Variants in NXT2 observed in about 807,000 individuals in gnomAD.
The protein encoded by NXT2 is NTF2-related export protein 2.
In NXT2, 1 loss-of-function variant was observed where a neutral mutation model predicts 9.6. That is an observed-to-expected ratio of 0.10 (90% CI 0.04 to 0.49). The LOEUF is 0.49. Ranked by LOEUF, NXT2 falls within the 20% of genes least tolerant of loss-of-function variation. The pLI is 0.95. For synonymous variants in NXT2, 22 were observed against 35.4 expected, an observed-to-expected ratio of 0.62 and a Z score of 1.34; for missense variants, 48 against 100.3, an observed-to-expected ratio of 0.48 and a Z score of 2.23.
chrX:109,537,484 A>C (rs1375705306), intron 1 of NXT2: 31 of 524,724 alleles, frequency 5.9e-5, no homozygotes, highest in Non-Finnish European at 6.7e-5. Flanking sequence ...TTAGGCAAAC[A>C]GCAGTGAATA....
chrX:109,537,479 C>G, intron 1 of NXT2: 1 of 547,824 alleles, frequency 1.8e-6, no homozygotes, highest in African/African-American at 2.5e-5. Flanking sequence ...AGTTCTTAGG[C>G]AAACAGCAGT....
chrX:109,536,982 A>G lies in NXT2; in HGVS notation c.-25A>G, dbSNP rs777623807. On this transcript the variant is annotated 5_prime_UTR_variant, in exon 1 of 4. Transcript: ENST00000372106. Reference sequence around the variant, plus strand: ...AGGAGGTAGTGACGCCGACACTGCCAGAACACACTGCTACAAGGTCCCAGA... The same window carrying G: ...AGGAGGTAGTGACGCCGACACTGCCGGAACACACTGCTACAAGGTCCCAGA... 145 of 1,210,331 alleles carry G rather than the reference A, an allele frequency of 1.2e-4. No homozygotes were observed. Among genetic ancestry groups the G allele is most frequent in the Non-Finnish European group, 1.6e-4 (139 of 895,259 alleles).
upstream of NXT2, chrX:109,535,979 TA>T: frequency 8.5e-7 from 1 of 1,171,755 alleles, no homozygotes; most frequent in South Asian, 1.9e-5. Flanking sequence ...CCACTCAAGG[TA>T]AAACTACGAC....
Position 109,544,358 on chromosome X carries a change from G to A in NXT2, c.*1670G>A, listed in dbSNP as rs991372229. Reference sequence around the variant, plus strand: ...TTGTAGTACTGATTGAAACTTACACGTTTTATTCTACTCATAGTGAGCTTA... The same window carrying A: ...TTGTAGTACTGATTGAAACTTACACATTTTATTCTACTCATAGTGAGCTTA... On this transcript the variant is annotated 3_prime_UTR_variant, in exon 4 of 4. Transcript: ENST00000372106. 9.8e-5 allele frequency: 11 copies of A among 112,329 alleles called. No homozygotes were observed. The highest frequency in any genetic ancestry group is 3.6e-4 in the African/African-American group (11 of 30,894). The allele number at this position is 112,329 out of a possible 1,213,427, so 9.3% of individuals were successfully genotyped here. A position where few individuals can be genotyped will look rare whatever the true frequency, so the allele number is the denominator to read the frequency against.
At chrX:109,541,717 A>G (rs1303521851) in intron 3 of NXT2, 98 bp downstream of exon 3, 13 of 676,549 alleles carry the variant, frequency 1.9e-5, no homozygotes, top group Non-Finnish European at 2.6e-5. Context: ...TGGTAGAACT[A>G]TTTACTTACT....
At chrX:109,538,782 T>G (rs1168549528) in intron 2 of NXT2, among the ~76,000 whole-genome samples, 1 of 111,518 alleles carries the variant, frequency 9.0e-6, no homozygotes. Flanking sequence ...GAACTGTGCT[T>G]TGGAGAACTA....
At chrX:109,536,117 A>G (rs1359609599), upstream of NXT2, 1 of 454,265 alleles carries the variant, frequency 2.2e-6, no homozygotes, top group African/African-American at 2.5e-5. Context: ...AATCTCAACT[A>G]GTTTGTGACC....
Position 109,542,635 on chromosome X carries a change from G to A in NXT2, c.376G>A (p.Val126Met). 1 of 1,203,378 alleles carries A rather than the reference G, an allele frequency of 8.3e-7. No individual in the cohort carries two copies. The highest frequency in any genetic ancestry group is 1.1e-6 in the Non-Finnish European group (1 of 891,439). ...TGCTCAGTCCACTCCCAACAATACT[G>A]TGTGGAAGATTGCAAGTGATTGCTT... ...LTAQSTPNNT[V>M]WKIASDCFRF... The change falls in exon 4 of 4, where the codon GTG becomes ATG. Residue 126 changes from valine to methionine, a missense_variant. Coordinates refer to ENST00000372106, the MANE Select transcript of NXT2 (RefSeq NM_001242617.2).
chrX:109,536,495 C>CT (rs1156842120), upstream of NXT2, among the ~76,000 whole-genome samples: 2 of 112,492 alleles, frequency 1.8e-5, no homozygotes, highest in Non-Finnish European at 3.8e-5. Flanking sequence ...TTCCAGAATG[C>CT]TAAATTGTTC....
At chrX:109,537,057 C>T (rs775461119) in intron 1 of NXT2, 36 bp downstream of exon 1, 5 of 1,192,411 alleles carry the variant, frequency 4.2e-6, no homozygotes, top group African/African-American at 3.5e-5. Flanking sequence ...GGCTGGGCGC[C>T]GGACTCCAGT....
chrX:109,537,919 A>G lies in NXT2; in HGVS notation c.16-126A>G, dbSNP rs1603390933. ...CCTTTAAAATGTCTGAATTTATATG[A>G]AAGAATGTGGACTGTATATAGAGCT... On this transcript the variant is annotated intron_variant, in intron 1 of 3. Coordinates refer to ENST00000372106, the MANE Select transcript of NXT2 (RefSeq NM_001242617.2). The G allele has an allele frequency of 4.0e-5, 16 of 398,608 alleles. No homozygotes were observed. The East Asian group carries it at 6.3e-4, about 16-fold the overall frequency. The allele number at this position is 398,608 out of a possible 1,213,427, so 32.8% of individuals were successfully genotyped here.
chrX:109,542,210 TA>T (rs772588491), intron 3 of NXT2, among the ~76,000 whole-genome samples: 3 of 111,379 alleles, frequency 2.7e-5, no homozygotes, highest in Non-Finnish European at 5.7e-5. Flanking sequence ...CCTGAAATAT[TA>T]ATTCTGAAAT....
At chrX:109,538,367 C>T (rs1933333976) in intron 2 of NXT2, among the ~76,000 whole-genome samples, 2 of 111,587 alleles carry the variant, frequency 1.8e-5, no homozygotes, top group Non-Finnish European at 3.8e-5. Context: ...TGCCATTTTC[C>T]CTTAACCTCA....
rs1011711643 is a variant in NXT2 at position 109,537,201 on chromosome X, G to A, written c.15+180G>A. ...GCCCTGCCGGCCCCACCCCCAGCCT[G>A]GTTAGCAGTCGCTTTCTGATCCCGG... On this transcript the variant is annotated intron_variant, in intron 1 of 3. Coordinates refer to ENST00000372106, the MANE Select transcript of NXT2 (RefSeq NM_001242617.2). 4 of 1,034,052 alleles carry A rather than the reference G, an allele frequency of 3.9e-6. No homozygotes were observed. The African/African-American group carries it at 7.8e-5, about 20-fold the overall frequency. The allele number at this position is 1,034,052 out of a possible 1,213,427, so 85.2% of individuals were successfully genotyped here.
chrX:109,542,363 T>C (rs967307812), intron 3 of NXT2, 144 bp from the exon 4 acceptor site: 2 of 415,672 alleles, frequency 4.8e-6, no homozygotes, highest in Non-Finnish European at 7.9e-6. Context: ...TGAGTATGCA[T>C]GCTTAAGATT....
rs902950350 is a variant in NXT2, at chrX:109,544,617, A to G, written c.*1929A>G. The G allele has an allele frequency of 8.9e-6, 1 of 112,792 alleles. No individual in the cohort carries two copies. Among genetic ancestry groups the G allele is most frequent in the Non-Finnish European group, 1.9e-5 (1 of 53,161 alleles). 9.3% of individuals were successfully genotyped at this position (112,792 alleles called of 1,213,427 possible). The stretch of plus-strand genomic sequence containing the variant: ...TTTAAATGGCTGGAACTACTCGTAT[A>G]AGGACTAGACTGTATTTTTGACATG... On this transcript the variant is annotated 3_prime_UTR_variant, in exon 4 of 4. Coordinates refer to ENST00000372106, the MANE Select transcript of NXT2 (RefSeq NM_001242617.2).
chrX:109,541,537 G>A lies in NXT2; in HGVS notation c.165G>A (p.Gly55=), dbSNP rs1048034683. 1 of 1,207,293 alleles carries A rather than the reference G, an allele frequency of 8.3e-7. No individual in the cohort carries two copies. The highest frequency in any genetic ancestry group is 1.1e-6 in the Non-Finnish European group (1 of 891,939). ...TATGGAATGGAAATGCTGTTTCAGG[G>A]CTGGATGCCCTAAATAATTTTTTTG... The part of the protein sequence containing the change: ...TLIWNGNAVS[G]LDALNNFFDT... Residue 55 remains glycine, a synonymous_variant, in exon 3 of 4, where the codon GGG becomes GGA. Coordinates refer to ENST00000372106, the MANE Select transcript of NXT2 (RefSeq NM_001242617.2).
At chrX:109,536,129 T>C (rs1407102976), upstream of NXT2, 1 of 436,052 alleles carries the variant, frequency 2.3e-6, no homozygotes, top group Non-Finnish European at 4.0e-6. Flanking sequence ...TTTGTGACCG[T>C]AGGCAGATTT....
In NXT2 at chrX:109,544,353, T is replaced by TA. The variant is rs1391675097; in HGVS notation, c.*1666dup. ...CTTTCTTGTAGTACTGATTGAAACTTACACGTTTTATTCTACTCATAGTGA... is the reference window on the plus strand; with the variant it reads ...CTTTCTTGTAGTACTGATTGAAACTTAACACGTTTTATTCTACTCATAGTGA... On this transcript the variant is annotated 3_prime_UTR_variant, in exon 4 of 4. Coordinates refer to ENST00000372106, the MANE Select transcript of NXT2 (RefSeq NM_001242617.2). 1 of 112,726 alleles carries TA rather than the reference T, an allele frequency of 8.9e-6. No homozygotes were observed. The highest frequency in any genetic ancestry group is 1.9e-5 in the Non-Finnish European group (1 of 53,223). The allele number at this position is 112,726 out of a possible 1,213,427, so 9.3% of individuals were successfully genotyped here. A position where few individuals can be genotyped will look rare whatever the true frequency, so the allele number is the denominator to read the frequency against.
Sources: allele counts gnomAD v4.1 joint callset (sites outside exome capture counted in the v4.1 genomes callset), GRCh38; gene constraint gnomAD v4.1.1; transcripts MANE v1.5; gene names NCBI Gene and HGNC (gene_info 2026-07-23, HGNC 2026-07-21).